Variants in SOX5 observed in about 807,000 individuals in gnomAD.
SOX5 encodes transcription factor SOX-5.
SOX5 carries 9 observed loss-of-function variants against 92.0 expected under a neutral mutation model. The ratio of observed to expected loss-of-function variants is 0.10; its 90% CI spans 0.06 to 0.17. SOX5 has a LOEUF of 0.17. Ranked by LOEUF, SOX5 falls within the 10% of genes least tolerant of loss-of-function variation. The pLI is 1.00. For missense variants in SOX5, 642 were observed against 944.5 expected (o/e 0.68, Z 4.20); for synonymous variants, 344 against 336.3 (o/e 1.02, Z -0.25).
chr12:24,440,448 C>T (rs768743957), intron 1 of SOX5, among the ~76,000 whole-genome samples: 54 of 152,128 alleles, frequency 3.5e-4, no homozygotes, highest in Non-Finnish European at 6.8e-4. Flanking sequence ...TGGCTCATTC[C>T]ATGCGTCCCT....
chr12:23,945,127 T>C (rs12313718), intron 1 of SOX5, among the ~76,000 whole-genome samples: 1 of 152,162 alleles, frequency 6.6e-6, no homozygotes, highest in African/African-American at 2.4e-5. Flanking sequence ...AATCAGCCTT[T>C]ACCCATGAAT....
At chr12:23,698,729 T>C (rs2090223305) in intron 6 of SOX5, among the ~76,000 whole-genome samples, 2 of 152,182 alleles carry the variant, frequency 1.3e-5, no homozygotes, top group South Asian at 4.1e-4. Context: ...TCATCTTACT[T>C]TTTGTAATCT....
chr12:23,991,190 C>CA (rs35062844), intron 4 of SOX5, among the ~76,000 whole-genome samples: 7,970 of 141,566 alleles, frequency 0.056, 640 homozygotes, highest in East Asian at 0.4. Context: ...CCCGTCTCTG[C>CA]AAAAAAAAAA....
At chr12:24,257,436 C>A (rs1020055646) in intron 3 of SOX5, among the ~76,000 whole-genome samples, 1 of 151,542 alleles carries the variant, frequency 6.6e-6, no homozygotes, top group African/African-American at 2.4e-5. Context: ...TTTAGAAGAA[C>A]AAGATTGAAG....
intron 3 of SOX5, among the ~76,000 whole-genome samples, chr12:24,238,909 T>A (rs560370736): frequency 1.3e-5 from 2 of 152,194 alleles, no homozygotes; most frequent in Admixed American, 1.3e-4. Flanking sequence ...TAATCACATA[T>A]AAACTGCCTC....
intron 4 of SOX5, among the ~76,000 whole-genome samples, chr12:24,122,142 A>C (rs1948693721): frequency 6.6e-6 from 1 of 152,194 alleles, no homozygotes; most frequent in African/African-American, 2.4e-5. Context: ...ACCCAGATCA[A>C]CTGCAGACAA....
intron 9 of SOX5, among the ~76,000 whole-genome samples, chr12:23,598,387 CTTTTTTTTTTTTTTTT>C (rs201719026): frequency 5.5e-4 from 52 of 95,154 alleles, no homozygotes; most frequent in East Asian, 1.8e-3. Flanking sequence ...TGTGCTTTAT[CTTTTTTTTTTTTTTTT>C]TTTTTTTTTT....
At position 23,709,084 on chromosome 12, in the gene SOX5, G is replaced by A. The variant is rs189908614; in HGVS notation, c.810+25600C>T. On this transcript the variant is annotated intron_variant, in intron 6 of 14. Coordinates refer to ENST00000451604, the MANE Select transcript of SOX5 (RefSeq NM_006940.6). ...TTAGGGACAAACAAAATGGGTTCAG[G>A]GAATCTTTTATTTTTAAATTTTATT... is the stretch of plus-strand genomic sequence containing the variant. Among the ~76,000 whole-genome samples, 822 of 152,078 alleles carry A rather than the reference G, an allele frequency of 5.4e-3. 7 individuals carry two copies. The highest frequency in any genetic ancestry group is 0.019 in the South Asian group (93 of 4,818).
intron 6 of SOX5, among the ~76,000 whole-genome samples, chr12:23,682,565 A>C (rs561976374): frequency 5.3e-5 from 8 of 151,942 alleles, no homozygotes; most frequent in Admixed American, 3.3e-4. Flanking sequence ...AGCAATTCAA[A>C]ACCTGTACAG....
chr12:23,742,707 C>T (rs893791492), intron 4 of SOX5, among the ~76,000 whole-genome samples: 3 of 152,150 alleles, frequency 2.0e-5, no homozygotes, highest in Admixed American at 2.0e-4. Flanking sequence ...AAACCTAGCC[C>T]AAGGCTGGGT....
At chr12:24,335,328 A>T (rs1039423977) in intron 2 of SOX5, among the ~76,000 whole-genome samples, 4 of 152,212 alleles carry the variant, frequency 2.6e-5, no homozygotes, top group African/African-American at 9.6e-5. Context: ...CAATTAAAAA[A>T]ATCTCTGTAA....
intron 4 of SOX5, among the ~76,000 whole-genome samples, chr12:24,135,015 C>G (rs1949990750): frequency 6.6e-6 from 1 of 152,154 alleles, no homozygotes; most frequent in Non-Finnish European, 1.5e-5. Context: ...CAAAGACAGA[C>G]ACAGAAAAAG....
intron 7 of SOX5, among the ~76,000 whole-genome samples, chr12:23,659,836 GCA>G (rs1376317394): frequency 6.9e-4 from 105 of 152,130 alleles, no homozygotes; most frequent in African/African-American, 2.4e-3. Flanking sequence ...GCGTGGTGGT[GCA>G]TGCCTGTAGT....
chr12:24,059,904 A>T (rs995242431), intron 4 of SOX5, among the ~76,000 whole-genome samples: 4 of 152,252 alleles, frequency 2.6e-5, no homozygotes, highest in Admixed American at 1.3e-4. Context: ...CTTCCTTATT[A>T]TAAGGAGTTA....
At chr12:23,949,295 GGA>G (rs143067474) in intron 1 of SOX5, among the ~76,000 whole-genome samples, 5 of 152,046 alleles carry the variant, frequency 3.3e-5, no homozygotes, top group African/African-American at 1.2e-4. Flanking sequence ...AGCGAGTTGG[GGA>G]GAGAGAGAGA....
chr12:23,541,284 A>G (rs1941986070), intron 13 of SOX5, among the ~76,000 whole-genome samples: 1 of 152,178 alleles, frequency 6.6e-6, no homozygotes, highest in Non-Finnish European at 1.5e-5. Flanking sequence ...ATTAATGATT[A>G]TCACCTTTTT....
chr12:24,523,977 G>T (rs930310856), intron 1 of SOX5, among the ~76,000 whole-genome samples: 1 of 152,190 alleles, frequency 6.6e-6, no homozygotes, highest in Non-Finnish European at 1.5e-5. Flanking sequence ...AAACATATTT[G>T]CAAACTATAT....
rs150780900 is a variant in SOX5 at position 23,629,477 on chromosome 12, A to G, written c.1017+11335T>C. On this transcript the variant is annotated intron_variant, in intron 8 of 14. Transcript: ENST00000451604. ...ATTTAGAGTCTAAATTGCCTCATCC[A>G]TAAAATTAAGGAGCTGGAATAGAAG... Among the ~76,000 whole-genome samples the G allele has an allele frequency of 2.0e-5, 3 of 152,188 alleles. No homozygotes were observed. The East Asian group carries it at 5.8e-4, about 29-fold the overall frequency.
At position 24,026,393 on chromosome 12, in the gene SOX5, C is replaced by CTG. The variant is rs1569503521; in HGVS notation, c.-1-130371_-1-130370dup. On this transcript the variant is annotated intron_variant, in intron 4 of 4. Coordinates refer to the SOX5 transcript ENST00000446891. ...TTTAATAGTGGCTGAGAAAATCCCA[C>CTG]TGGTACTGTGGATAGAACTGGTGAG... Among the ~76,000 whole-genome samples, 12 of 152,022 alleles carry CTG rather than the reference C, an allele frequency of 7.9e-5. 2 individuals are homozygous for CTG. Among genetic ancestry groups the CTG allele is most frequent in the African/African-American group, 2.9e-4 (12 of 41,520 alleles).
Sources: gnomAD v4.1 joint callset for allele counts (sites outside exome capture counted in the v4.1 genomes callset) on GRCh38, gnomAD v4.1.1 for gene constraint, MANE v1.5 for transcripts, NCBI Gene and HGNC (gene_info 2026-07-23, HGNC 2026-07-21) for gene names.